The following MMP16 variants were observed in gnomAD, a reference collection of about 807,000 sequenced individuals.
MMP16 encodes matrix metalloproteinase-16.
A neutral mutation model predicts 67.8 loss-of-function variants in MMP16; 12 were observed. The observed-to-expected ratio is 0.18, with a 90% confidence interval of 0.11 to 0.29. The LOEUF (loss-of-function observed/expected upper bound fraction) is 0.29. Ranked by LOEUF, MMP16 falls within the 10% of genes least tolerant of loss-of-function variation. The probability of loss-of-function intolerance (pLI) is 1.00; values close to 1 mark genes in which losing one functional copy is unlikely to be tolerated. For synonymous variants in MMP16, 249 were observed against 255.9 expected, an observed-to-expected ratio of 0.97 and a Z score of 0.26; for missense variants, 475 against 765.7, an observed-to-expected ratio of 0.62 and a Z score of 4.48.
chr8:88,140,362 T>A (rs2118499744), intron 4 of MMP16, among the ~76,000 whole-genome samples: 1 of 152,314 alleles, frequency 6.6e-6, no homozygotes, highest in Admixed American at 6.5e-5. Context: ...ATATCCTTTT[T>A]ATGACCTAGT....
intron 5 of MMP16, among the ~76,000 whole-genome samples, chr8:88,117,540 T>C (rs1809456643): frequency 6.6e-6 from 1 of 152,118 alleles, no homozygotes; most frequent in South Asian, 2.1e-4. Flanking sequence ...AGAAAGAGAC[T>C]TCTTTCAGTG....
intron 1 of MMP16, among the ~76,000 whole-genome samples, chr8:88,205,664 C>G (rs1250091394): frequency 6.6e-6 from 1 of 152,164 alleles, no homozygotes; most frequent in Non-Finnish European, 1.5e-5. Context: ...GACACCCTTT[C>G]TTCTCACTTT....
chr8:88,240,513 AAGG>A (rs1253964244), intron 1 of MMP16, among the ~76,000 whole-genome samples: 12 of 152,182 alleles, frequency 7.9e-5, no homozygotes, highest in African/African-American at 2.9e-4. Context: ...TCTTGCAAAG[AAGG>A]AGGATTTTAT....
At chr8:88,294,065 C>T (rs1810965966) in intron 1 of MMP16, among the ~76,000 whole-genome samples, 1 of 151,978 alleles carries the variant, frequency 6.6e-6, no homozygotes, top group Non-Finnish European at 1.5e-5. Context: ...TATGTGGAGA[C>T]ATTTGCATGT....
In MMP16 at chr8:88,218,269, A is replaced by T. The variant is rs73288931; in HGVS notation, c.133-20963T>A. On this transcript the variant is annotated intron_variant, in intron 1 of 9. Transcript: ENST00000286614. ...GATTAAAATATGCATCATTCTAATG[A>T]TGCACAGGAAGCTAAGCAAATCTCA... 2.2e-3 allele frequency among the ~76,000 whole-genome samples: 336 copies of T among 152,136 alleles called. 2 individuals are homozygous for T. Among genetic ancestry groups the T allele is most frequent in the African/African-American group, 7.5e-3 (310 of 41,566 alleles).
At chr8:88,079,796 G>T (rs1808715898) in intron 6 of MMP16, among the ~76,000 whole-genome samples, 1 of 152,098 alleles carries the variant, frequency 6.6e-6, no homozygotes, top group Non-Finnish European at 1.5e-5. Flanking sequence ...AGGCCCTAGA[G>T]AGCTGCACTG....
chr8:88,092,115 C>T (rs185657516), intron 6 of MMP16, among the ~76,000 whole-genome samples: 3 of 151,858 alleles, frequency 2.0e-5, no homozygotes, highest in East Asian at 1.9e-4. Context: ...AGTCTTCAGC[C>T]GAAACACTGT....
At chr8:88,059,971 G>A (rs1407925001) in intron 7 of MMP16, among the ~76,000 whole-genome samples, 2 of 149,936 alleles carry the variant, frequency 1.3e-5, no homozygotes, top group African/African-American at 4.9e-5. Context: ...AGAGAAAAGA[G>A]AATGAGAAGA....
chr8:88,145,663 C>A (rs1403467056), intron 4 of MMP16, among the ~76,000 whole-genome samples: 1 of 151,738 alleles, frequency 6.6e-6, no homozygotes, highest in Admixed American at 6.6e-5. Context: ...TCCAATGGGC[C>A]CTAAGAGAAA....
At chr8:88,085,510 T>C (rs1362544482) in intron 6 of MMP16, among the ~76,000 whole-genome samples, 2 of 152,060 alleles carry the variant, frequency 1.3e-5, no homozygotes, top group African/African-American at 2.4e-5. Flanking sequence ...GATGCAGCAG[T>C]ACATCTCAAT....
intron 6 of MMP16, among the ~76,000 whole-genome samples, chr8:88,113,776 AC>A (rs1442478650): frequency 3.9e-5 from 6 of 151,956 alleles, no homozygotes; most frequent in Admixed American, 1.3e-4. Flanking sequence ...CCACGTGTCC[AC>A]CTTGAAGACT....
rs551600358 is a variant in MMP16, at chr8:88,222,738, A to C, written c.133-25432T>G. On this transcript the variant is annotated intron_variant, in intron 1 of 9. Transcript: ENST00000286614. ...TAAATGTTACAGCTAAAACCATAAA[A>C]ACCCTAGAAGAAAACCTAGGCAATA... Among the ~76,000 whole-genome samples, 253 of 152,300 alleles carry C rather than the reference A, an allele frequency of 1.7e-3. 2 individuals carry two copies. Among genetic ancestry groups the C allele is most frequent in the African/African-American group, 5.8e-3 (241 of 41,578 alleles).
chr8:88,311,313 T>C (rs1356355468), intron 1 of MMP16, among the ~76,000 whole-genome samples: 2 of 152,160 alleles, frequency 1.3e-5, no homozygotes, highest in Non-Finnish European at 2.9e-5. Flanking sequence ...CAAAGTTTGA[T>C]CCAGGAACCT....
intron 4 of MMP16, among the ~76,000 whole-genome samples, chr8:88,161,130 T>A (rs1201101648): frequency 6.6e-6 from 1 of 152,212 alleles, no homozygotes; most frequent in Admixed American, 6.5e-5. Context: ...TGGTACCAGC[T>A]CCTCCTTGTA....
At chr8:88,311,620 C>T (rs28907893) in intron 1 of MMP16, among the ~76,000 whole-genome samples, 4,049 of 152,022 alleles carry the variant, frequency 0.027, 166 homozygotes, top group African/African-American at 0.084. Flanking sequence ...TAATGAATTT[C>T]TAAATAAGTA....
At chr8:88,139,930 CTA>C (rs772745659) in intron 4 of MMP16, among the ~76,000 whole-genome samples, 3 of 151,888 alleles carry the variant, frequency 2.0e-5, no homozygotes, top group Non-Finnish European at 2.9e-5. Flanking sequence ...TTTTAGAAAG[CTA>C]TGTTATTTAT....
At chr8:88,313,627 ATTCT>A (rs1811333117) in intron 1 of MMP16, among the ~76,000 whole-genome samples, 1 of 152,168 alleles carries the variant, frequency 6.6e-6, no homozygotes, top group Non-Finnish European at 1.5e-5. Flanking sequence ...GAAAAGCGTT[ATTCT>A]TTCTACCTCT....
chr8:88,116,856 T>G, intron 5 of MMP16, 138 bp from the exon 6 acceptor site: 1 of 753,290 alleles, frequency 1.3e-6, no homozygotes, highest in Admixed American at 2.9e-5. Context: ...GTATATTTTC[T>G]GAAAAAAACA....
At chr8:88,061,792 T>C (rs1808403531) in intron 7 of MMP16, among the ~76,000 whole-genome samples, 1 of 152,180 alleles carries the variant, frequency 6.6e-6, no homozygotes, top group African/African-American at 2.4e-5. Flanking sequence ...TACTTTCCTG[T>C]ACTGTTGGTC....
Sources: allele counts gnomAD v4.1 joint callset (sites outside exome capture counted in the v4.1 genomes callset), GRCh38; gene constraint gnomAD v4.1.1; transcripts MANE v1.5; gene names NCBI Gene and HGNC (gene_info 2026-07-23, HGNC 2026-07-21).